Variants in GRAMD1C observed in about 807,000 individuals in gnomAD.
GRAMD1C encodes GRAM domain containing 1C, also known as protein Aster-C.
In GRAMD1C, 89 loss-of-function variants were observed where a neutral mutation model predicts 97.8. The observed-to-expected ratio is 0.91, with a 90% confidence interval of 0.77 to 1.09. The LOEUF is 1.09. GRAMD1C is among the 50% of genes least tolerant of loss of function. The pLI is 0.00. For missense variants in GRAMD1C, 740 were observed against 766.4 expected (o/e 0.97, Z 0.41); for synonymous variants, 256 against 267.0 (o/e 0.96, Z 0.40).
In GRAMD1C at chr3:113,876,919, G is replaced by A. The variant is rs1328258675; in HGVS notation, c.459+659G>A. ...GAAAAAGAGACAGGGAGAGTTTTGG[G>A]GGAGGAGGGGAGAGAGAATTAGTAC... On this transcript the variant is annotated intron_variant, in intron 5 of 17. Coordinates refer to ENST00000358160, the MANE Select transcript of GRAMD1C (RefSeq NM_017577.5). 3.3e-5 allele frequency among the ~76,000 whole-genome samples: 5 copies of A among 152,008 alleles called. No homozygotes were observed. The South Asian group carries it at 1.0e-3, about 32-fold the overall frequency.
intron 2 of GRAMD1C, among the ~76,000 whole-genome samples, chr3:113,849,902 G>A (rs891549811): frequency 1.3e-5 from 2 of 150,060 alleles, no homozygotes; most frequent in East Asian, 2.0e-4. Flanking sequence ...CCCGGACGGG[G>A]CGGCTGGCCA....
chr3:113,836,802 C>T (rs1453266712), upstream of GRAMD1C, among the ~76,000 whole-genome samples: 2 of 151,950 alleles, frequency 1.3e-5, no homozygotes, highest in African/African-American at 4.8e-5. Context: ...CACCATCACG[C>T]CCGACTAATT....
chr3:113,832,087 T>C (rs1306932486), intron 1 of GRAMD1C, among the ~76,000 whole-genome samples: 1 of 152,044 alleles, frequency 6.6e-6, no homozygotes, highest in Non-Finnish European at 1.5e-5. Context: ...TGGAGTGCAG[T>C]GTGCAGTGGT....
In GRAMD1C at chr3:113,917,671, C is replaced by T. The variant is rs139803291; in HGVS notation, c.1090+1833C>T. Among the ~76,000 whole-genome samples, 209 of 151,152 alleles carry T rather than the reference C, an allele frequency of 1.4e-3. 3 individuals carry two copies. The East Asian group carries it at 0.038, about 27-fold the overall frequency. ...TTTTATTAACCATTAGATATTATTC[C>T]TTTATTTGAAACTTTTATGTAAACA... On this transcript the variant is annotated intron_variant, in intron 10 of 17. Transcript: ENST00000358160.
chr3:113,896,013 T>G (rs1188737965), intron 6 of GRAMD1C, among the ~76,000 whole-genome samples: 1 of 152,224 alleles, frequency 6.6e-6, no homozygotes, highest in East Asian at 1.9e-4. Context: ...ACTGGGTGGC[T>G]TTTGATATTT....
intron 17 of GRAMD1C, among the ~76,000 whole-genome samples, chr3:113,941,381 T>C (rs1366641750): frequency 6.6e-6 from 1 of 152,186 alleles, no homozygotes; most frequent in African/African-American, 2.4e-5. Flanking sequence ...CCTTCCCTCA[T>C]TTTCTCTCTC....
chr3:113,894,165 T>A (rs571350034), intron 6 of GRAMD1C, among the ~76,000 whole-genome samples: 52 of 152,324 alleles, frequency 3.4e-4, no homozygotes, highest in African/African-American at 1.2e-3. Context: ...AAAAGATTTT[T>A]AAAATTGAGG....
Position 113,933,584 on chromosome 3 carries a change from A to G in GRAMD1C, c.1283A>G (p.Tyr428Cys). 1 of 1,603,536 alleles carries G rather than the reference A, an allele frequency of 6.2e-7. No homozygotes were observed. The highest frequency in any genetic ancestry group is 8.5e-7 in the Non-Finnish European group (1 of 1,170,356). The change falls in exon 12 of 18, where the codon TAC becomes TGC. Residue 428 changes from tyrosine (Y) to cysteine (C), a missense_variant. Physicochemically the swap from Tyr to Cys is radical, Grantham distance 194 (BLOSUM62 -2). Coordinates refer to ENST00000358160, the MANE Select transcript of GRAMD1C (RefSeq NM_017577.5). ...GAAGTACTGACACATGATGTCCCCT[A>G]CCATGATTACTTCTATACCGTGAAC... ...DSEVLTHDVPYHDYFYTVNRY... is the reference protein window; with the variant it reads ...DSEVLTHDVPCHDYFYTVNRY...
intron 6 of GRAMD1C, among the ~76,000 whole-genome samples, chr3:113,892,585 G>T (rs760402463): frequency 6.6e-6 from 1 of 152,174 alleles, no homozygotes; most frequent in Admixed American, 6.5e-5. Context: ...ATGTTTAGAC[G>T]TGAGTTTAAA....
In GRAMD1C at chr3:113,930,777, C is replaced by T. The variant is rs1296725543; in HGVS notation, c.1154C>T (p.Thr385Ile). 3 of 1,612,398 alleles carry T rather than the reference C, an allele frequency of 1.9e-6. No individual in the cohort carries two copies. Among genetic ancestry groups the T allele is most frequent in the African/African-American group, 1.3e-5 (1 of 74,910 alleles). ...GATCAGCTGAGAACGATGACCTACA[C>T]TATAGTCCTTAATAGTCCACTTACT... is the stretch of plus-strand genomic sequence containing the variant. ...GGDQLRTMTY[T>I]IVLNSPLTGK... Residue 385 changes from threonine (T) to isoleucine (I), a missense_variant, in exon 11 of 18, where the codon ACT becomes ATT. Physicochemically the swap from Thr to Ile is moderately conservative, Grantham distance 89 (BLOSUM62 -1). Coordinates refer to ENST00000358160, the MANE Select transcript of GRAMD1C (RefSeq NM_017577.5).
At chr3:113,922,446 T>A (rs1937094320) in intron 10 of GRAMD1C, among the ~76,000 whole-genome samples, 1 of 152,214 alleles carries the variant, frequency 6.6e-6, no homozygotes, top group Admixed American at 6.5e-5. Flanking sequence ...TTGAGCTGAT[T>A]TTTATATATG....
intron 10 of GRAMD1C, among the ~76,000 whole-genome samples, chr3:113,923,369 C>G (rs1407884945): frequency 1.3e-5 from 2 of 152,104 alleles, no homozygotes; most frequent in East Asian, 3.9e-4. Flanking sequence ...ATTGTTCCAG[C>G]TTTTGCCCAT....
In GRAMD1C at chr3:113,946,389, A is replaced by G. The variant is rs530588832; in HGVS notation, c.*911A>G. 3 of 152,564 alleles carry G rather than the reference A, an allele frequency of 2.0e-5. No homozygotes were observed. The East Asian group carries it at 5.8e-4, about 29-fold the overall frequency. 9.5% of individuals were successfully genotyped at this position (152,564 alleles called of 1,614,324 possible). A position where few individuals can be genotyped will look rare whatever the true frequency, so the allele number is the denominator to read the frequency against. ...TGTGACTTGTTTTGATTGGTAAGTT[A>G]TAAGCCAGACATAGATTTTAGCTCT... On this transcript the variant is annotated 3_prime_UTR_variant, in exon 18 of 18. Transcript: ENST00000358160.
intron 1 of GRAMD1C, among the ~76,000 whole-genome samples, chr3:113,842,033 T>C (rs993634915): frequency 2.6e-5 from 4 of 152,176 alleles, no homozygotes; most frequent in African/African-American, 9.7e-5. Context: ...ATTTGTAAGC[T>C]CTAAAGACTT....
chr3:113,920,553 A>G (rs1461926351), intron 10 of GRAMD1C, among the ~76,000 whole-genome samples: 1 of 151,662 alleles, frequency 6.6e-6, no homozygotes, highest in Non-Finnish European at 1.5e-5. Context: ...TTTATTTTTT[A>G]TTTTTGAGAG....
rs532439317 is a variant in GRAMD1C, at chr3:113,894,460, A to C, written c.541-6571A>C. On this transcript the variant is annotated intron_variant, in intron 6 of 17. Transcript: ENST00000358160. ...CACCCAGCTAATTTTTGTATTTTTC[A>C]TAGAGGCGGGGTTTCACCATGTTGG... Among the ~76,000 whole-genome samples the C allele has an allele frequency of 1.6e-3, 245 of 152,036 alleles. 1 individual carries two copies. The highest frequency in any genetic ancestry group is 6.8e-3 in the Middle Eastern group (2 of 294).
intron 1 of GRAMD1C, among the ~76,000 whole-genome samples, chr3:113,843,049 GTTTTTTTTTTTT>G (rs71144092): frequency 1.9e-5 from 1 of 53,402 alleles, no homozygotes; most frequent in Non-Finnish European, 3.5e-5. Context: ...ACCATAAGCT[GTTTTTTTTTTTT>G]TTTTTTTTTT....
chr3:113,912,556 A>C (rs1018569416), intron 9 of GRAMD1C, among the ~76,000 whole-genome samples: 1 of 152,102 alleles, frequency 6.6e-6, no homozygotes, highest in Non-Finnish European at 1.5e-5. Flanking sequence ...CAGTCTGGGC[A>C]AGACTTGTCT....
chr3:113,910,228 A>G (rs766529801), intron 9 of GRAMD1C, among the ~76,000 whole-genome samples: 2 of 152,094 alleles, frequency 1.3e-5, no homozygotes, highest in Non-Finnish European at 2.9e-5. Context: ...CTAAAAATAC[A>G]AAAAATTAGC....
Sources: gnomAD v4.1 joint callset for allele counts (sites outside exome capture counted in the v4.1 genomes callset) on GRCh38, gnomAD v4.1.1 for gene constraint, MANE v1.5 for transcripts, NCBI Gene and HGNC (gene_info 2026-07-23, HGNC 2026-07-21) for gene names.